CEP55: variants seen among roughly 807,000 people sequenced by gnomAD.
The protein encoded by CEP55 is centrosomal protein of 55 kDa.
A neutral mutation model predicts 63.2 loss-of-function variants in CEP55; 57 were observed. The observed-to-expected ratio is 0.90, with a 90% CI of 0.73 to 1.13. The LOEUF is 1.13. CEP55 is among the 50% of genes most tolerant of loss of function. CEP55 has a pLI of 0.00. For missense variants in CEP55, 456 were observed against 518.9 expected (o/e 0.88, Z 1.18); for synonymous variants, 178 against 191.6 (o/e 0.93, Z 0.59).
chr10:93,503,452 G>C (rs2057656054), intron 3 of CEP55, 64 bp downstream of exon 3: 2 of 1,473,402 alleles, frequency 1.4e-6, no homozygotes, highest in Non-Finnish European at 1.8e-6. Flanking sequence ...TAATTCTTAG[G>C]AGGAATGAGT....
rs1463887789 is a variant in CEP55, at chr10:93,496,679, C to A, written c.-257C>A. 6.6e-6 allele frequency: 1 copy of A among 152,270 alleles called. No individual in the cohort carries two copies. The highest frequency in any genetic ancestry group is 1.5e-5 in the Non-Finnish European group (1 of 68,070). 9.4% of individuals were successfully genotyped at this position (152,270 alleles called of 1,614,324 possible). On this transcript the variant is annotated 5_prime_UTR_variant, in exon 1 of 9. Transcript: ENST00000371485. ...CCGACGCGAGCGCCGCGCTTCGCTT[C>A]AGCTGCTAGCTGGCCCAAGGGAGGC...
At chr10:93,524,130 A>C (rs192336785) in intron 8 of CEP55, among the ~76,000 whole-genome samples, 7,500 of 152,266 alleles carry the variant, frequency 0.049, 308 homozygotes, top group East Asian at 0.12. Flanking sequence ...AAAAACTTTC[A>C]AAAAATCAAT....
At chr10:93,510,543 G>A (rs1408648246) in intron 4 of CEP55, 1 of 151,978 alleles carries the variant, frequency 6.6e-6, no homozygotes, top group African/African-American at 2.4e-5. Flanking sequence ...AGAATGAATT[G>A]TACATATCCA....
chr10:93,515,436 A>G lies in CEP55; in HGVS notation c.560A>G (p.Tyr187Cys). The change falls in exon 5 of 9, where the codon TAT (tyrosine) becomes TGT (cysteine). Residue 187 changes from tyrosine to cysteine, a missense_variant. By Grantham distance (194) the Tyr-to-Cys change is radical (BLOSUM62 -2). Transcript: ENST00000371485. ...GAGAAAAATCAGCAGTGGCTCGTGT[A>G]TGATCAGCAGCGGGAAGTCTATGTA... is the stretch of plus-strand genomic sequence containing the variant. ...ALEKNQQWLV[Y>C]DQQREVYVKG... The G allele has an allele frequency of 2.5e-6, 4 of 1,612,508 alleles. No homozygotes were observed. Among genetic ancestry groups the G allele is most frequent in the African/African-American group, 1.3e-5 (1 of 75,022 alleles).
At position 93,518,944 on chromosome 10, in the gene CEP55, A is replaced by C. The variant is rs1219918325; in HGVS notation, c.1061A>C (p.Gln354Pro). ...CAAACAAGGGTAGCTCTGTTGGAAC[A>C]ACAGGTACTCATTCGGGTTGCTTCT... ...EEQTRVALLE[Q>P]QMQACTLDFE... Residue 354 changes from glutamine to proline, a missense_variant, in exon 7 of 9, where the codon CAA becomes CCA. Transcript: ENST00000371485. 6.2e-7 allele frequency: 1 copy of C among 1,612,408 alleles called. No homozygotes were observed. The highest frequency in any genetic ancestry group is 1.3e-5 in the African/African-American group (1 of 74,922).
At chr10:93,498,023 G>A (rs1202382620) in intron 1 of CEP55, among the ~76,000 whole-genome samples, 1 of 152,108 alleles carries the variant, frequency 6.6e-6, no homozygotes, top group Non-Finnish European at 1.5e-5. Flanking sequence ...TCAGGAGGCT[G>A]AGGCAGGAGA....
At chr10:93,513,473 G>C (rs985501622) in intron 4 of CEP55, among the ~76,000 whole-genome samples, 1 of 152,190 alleles carries the variant, frequency 6.6e-6, no homozygotes, top group African/African-American at 2.4e-5. Context: ...GAAAGCAGTT[G>C]CCCTGATAGA....
chr10:93,516,267 A>G (rs1393896627), intron 5 of CEP55, among the ~76,000 whole-genome samples: 1 of 152,228 alleles, frequency 6.6e-6, no homozygotes, highest in Admixed American at 6.5e-5. Flanking sequence ...CAAGACTCAT[A>G]AGATTGGAGA....
At position 93,518,896 on chromosome 10, in the gene CEP55, C is replaced by T. The variant is rs1387582853; in HGVS notation, c.1013C>T (p.Ser338Phe). Residue 338 changes from serine to phenylalanine, a missense_variant, in exon 7 of 9, where the codon TCT (serine) becomes TTT (phenylalanine). Physicochemically the swap from Ser to Phe is radical, Grantham distance 155 (BLOSUM62 -2). Coordinates refer to ENST00000371485, the MANE Select transcript of CEP55 (RefSeq NM_018131.5). ...CTACAGGTCCAGTTTCTTTACACATCTCTGCTAAAGCAGCAAGAAGAACAA... is the reference window on the plus strand; with the variant it reads ...CTACAGGTCCAGTTTCTTTACACATTTCTGCTAAAGCAGCAAGAAGAACAA... Reference protein sequence around the residue: ...LLSQVQFLYTSLLKQQEEQTR... With the variant: ...LLSQVQFLYTFLLKQQEEQTR... 2 of 1,610,836 alleles carry T rather than the reference C, an allele frequency of 1.2e-6. No individual in the cohort carries two copies. Among genetic ancestry groups the T allele is most frequent in the African/African-American group, 2.7e-5 (2 of 74,886 alleles).
At chr10:93,498,231 G>C (rs2057594834) in intron 1 of CEP55, among the ~76,000 whole-genome samples, 1 of 152,012 alleles carries the variant, frequency 6.6e-6, no homozygotes, top group East Asian at 1.9e-4. Context: ...GATCCAAACC[G>C]TCTGGGCCAG....
chr10:93,524,576 C>G (rs1466529992), intron 8 of CEP55, among the ~76,000 whole-genome samples: 1 of 152,182 alleles, frequency 6.6e-6, no homozygotes, highest in Non-Finnish European at 1.5e-5. Flanking sequence ...GGAGTCCTCC[C>G]TAACTCATTT....
chr10:93,507,621 C>T (rs1442302034), intron 4 of CEP55, among the ~76,000 whole-genome samples: 1 of 151,970 alleles, frequency 6.6e-6, no homozygotes, highest in Admixed American at 6.6e-5. Context: ...CCTAATTTGC[C>T]CAATCATTTT....
intron 6 of CEP55, among the ~76,000 whole-genome samples, chr10:93,518,342 G>T (rs2134486704): frequency 6.6e-6 from 1 of 152,026 alleles, no homozygotes; most frequent in East Asian, 1.9e-4. Context: ...TAGAGATGGG[G>T]TTTCACCATG....
intron 4 of CEP55, among the ~76,000 whole-genome samples, chr10:93,513,380 G>A (rs2057771038): frequency 6.6e-6 from 1 of 152,186 alleles, no homozygotes; most frequent in South Asian, 2.1e-4. Flanking sequence ...AAACTCTCTA[G>A]ACTTAATAAG....
In CEP55 at chr10:93,500,129, A is replaced by C. The variant is rs536399744; in HGVS notation, c.78A>C (p.Thr26=). Residue 26 remains threonine, a synonymous_variant, in exon 2 of 9, where the codon ACA becomes ACC. Transcript: ENST00000371485. ...SKPSNSKSET[T]LEKLKGEIAH... Reference sequence around the variant, plus strand: ...CTAGTAACTCCAAATCCGAAACTACATTAGAAAAATTAAAGGGAGAAATTG... The same window carrying C: ...CTAGTAACTCCAAATCCGAAACTACCTTAGAAAAATTAAAGGGAGAAATTG... The C allele has an allele frequency of 6.2e-6, 10 of 1,613,810 alleles. No individual in the cohort carries two copies. In the South Asian group the frequency reaches 9.9e-5, roughly 16 times the overall value.
At chr10:93,502,975 C>T in intron 2 of CEP55, 138 bp from the exon 3 acceptor site, 1 of 784,816 alleles carries the variant, frequency 1.3e-6, no homozygotes, top group Non-Finnish European at 2.0e-6. Flanking sequence ...CTTTGGCTTC[C>T]TAATCTTTTT....
chr10:93,510,710 A>T (rs1444082840), intron 4 of CEP55: 2 of 152,142 alleles, frequency 1.3e-5, no homozygotes, highest in African/African-American at 4.8e-5. Flanking sequence ...GAACGAGGAT[A>T]CTCTTGCCCA....
At position 93,503,223 on chromosome 10, in the gene CEP55, C is replaced by A. The variant is rs62642530; in HGVS notation, c.294C>A (p.Thr98=). 1 of 1,613,814 alleles carries A rather than the reference C, an allele frequency of 6.2e-7. No individual in the cohort carries two copies. The highest frequency in any genetic ancestry group is 1.3e-5 in the African/African-American group (1 of 74,980). The stretch of plus-strand genomic sequence containing the variant: ...AACTGAAGGCCAGATATAGTACTAC[C>A]ACATTGCTTGAACAGCTGGAAGAGA... ...RDQLKARYST[T]TLLEQLEETT... is the part of the protein sequence containing the mutation. Residue 98 remains threonine (T), a synonymous_variant, in exon 3 of 9, where the codon ACC becomes ACA. Transcript: ENST00000371485.
intron 2 of CEP55, among the ~76,000 whole-genome samples, chr10:93,501,285 A>G (rs1253535147): frequency 6.6e-6 from 1 of 152,252 alleles, no homozygotes; most frequent in African/African-American, 2.4e-5. Flanking sequence ...ACAGTAAGGA[A>G]GTTAGGAACT....
Sources: allele counts gnomAD v4.1 joint callset (sites outside exome capture counted in the v4.1 genomes callset), GRCh38; gene constraint gnomAD v4.1.1; transcripts MANE v1.5; gene names NCBI Gene and HGNC (gene_info 2026-07-23, HGNC 2026-07-21).